DLG2: variants seen among roughly 807,000 people sequenced by gnomAD.
DLG2 encodes discs large MAGUK scaffold protein 2.
Under a neutral mutation model 132.5 loss-of-function variants are expected in DLG2, and 45 were observed. That is an observed-to-expected ratio of 0.34 (90% CI 0.27 to 0.44). DLG2 has a LOEUF of 0.44. DLG2 is among the 20% of genes least tolerant of loss of function. DLG2 has a pLI of 1.00. For missense variants in DLG2, 1,045 were observed against 1,196.9 expected (o/e 0.87, Z 1.87); for synonymous variants, 424 against 419.6 (o/e 1.01, Z -0.13).
intron 6 of DLG2, among the ~76,000 whole-genome samples, chr11:84,888,482 A>G (rs930717653): frequency 3.9e-5 from 6 of 152,076 alleles, no homozygotes; most frequent in Admixed American, 1.3e-4. Flanking sequence ...GTGAAATTGA[A>G]TGATACCATT....
At chr11:84,198,338 T>C (rs942736743) in intron 8 of DLG2, among the ~76,000 whole-genome samples, 1 of 152,158 alleles carries the variant, frequency 6.6e-6, no homozygotes, top group African/African-American at 2.4e-5. Flanking sequence ...AGTTAGAGCT[T>C]ATACTTATTG....
intron 7 of DLG2, among the ~76,000 whole-genome samples, chr11:84,338,703 G>T (rs2098499980): frequency 6.6e-6 from 1 of 152,124 alleles, no homozygotes; most frequent in African/African-American, 2.4e-5. Context: ...CTACACGGGA[G>T]GCTGAGGCAG....
At chr11:84,178,335 C>A (rs1194071919) in intron 8 of DLG2, among the ~76,000 whole-genome samples, 1 of 152,104 alleles carries the variant, frequency 6.6e-6, no homozygotes, top group African/African-American at 2.4e-5. Flanking sequence ...AGAAATTTAA[C>A]AGAACAATTT....
chr11:83,593,566 G>A (rs1418027904), intron 19 of DLG2, among the ~76,000 whole-genome samples: 2 of 151,390 alleles, frequency 1.3e-5, no homozygotes, highest in Admixed American at 6.6e-5. Flanking sequence ...AGTGGGTGCA[G>A]TGCACCAGCA....
At chr11:84,435,885 T>A (rs1046440045) in intron 7 of DLG2, among the ~76,000 whole-genome samples, 1 of 152,160 alleles carries the variant, frequency 6.6e-6, no homozygotes, top group Non-Finnish European at 1.5e-5. Context: ...TAATTTGGCA[T>A]AAGACATTAT....
At chr11:84,255,399 C>T (rs911071823) in intron 7 of DLG2, among the ~76,000 whole-genome samples, 3 of 152,192 alleles carry the variant, frequency 2.0e-5, no homozygotes, top group African/African-American at 7.2e-5. Flanking sequence ...TCTCGGCTCA[C>T]TGCAAACTTC....
At chr11:83,941,169 T>TTCTGTTGATTAACTTA (rs2082573303) in intron 14 of DLG2, among the ~76,000 whole-genome samples, 1 of 152,192 alleles carries the variant, frequency 6.6e-6, no homozygotes, top group Admixed American at 6.5e-5. Flanking sequence ...ATGAGGCACA[T>TTCTGTTGATTAACTTA]TTATACTGAA....
At chr11:84,194,071 C>T (rs1165294408) in intron 8 of DLG2, among the ~76,000 whole-genome samples, 1 of 152,154 alleles carries the variant, frequency 6.6e-6, no homozygotes, top group Non-Finnish European at 1.5e-5. Flanking sequence ...TGCAAGGAAA[C>T]GAAAAACTAA....
At chr11:84,697,017 G>A (rs1024550400) in intron 6 of DLG2, among the ~76,000 whole-genome samples, 2 of 151,344 alleles carry the variant, frequency 1.3e-5, no homozygotes, top group Non-Finnish European at 3.0e-5. Context: ...AGACTTTGGG[G>A]CTAAGGGAAA....
intron 18 of DLG2, among the ~76,000 whole-genome samples, chr11:83,656,928 C>T (rs937310627): frequency 6.6e-6 from 1 of 152,090 alleles, no homozygotes; most frequent in African/African-American, 2.4e-5. Flanking sequence ...CCAATAGTCA[C>T]GTTTTTCATA....
At chr11:85,416,949 G>C (rs1394003909) in intron 3 of DLG2, among the ~76,000 whole-genome samples, 1 of 152,114 alleles carries the variant, frequency 6.6e-6, no homozygotes, top group African/African-American at 2.4e-5. Context: ...TCTCTTGCCT[G>C]ATTGCCCTGG....
At chr11:85,397,783 C>T (rs2087560188) in intron 3 of DLG2, among the ~76,000 whole-genome samples, 1 of 152,098 alleles carries the variant, frequency 6.6e-6, no homozygotes, top group Non-Finnish European at 1.5e-5. Flanking sequence ...TAAAGCAAGT[C>T]ATCAGAGACC....
intron 7 of DLG2, among the ~76,000 whole-genome samples, chr11:84,422,574 C>A (rs569705820): frequency 3.3e-5 from 5 of 152,254 alleles, no homozygotes; most frequent in South Asian, 2.1e-4. Flanking sequence ...TAACTCATTA[C>A]GCACATTCAA....
chr11:84,150,703 A>T (rs77477998), intron 9 of DLG2, among the ~76,000 whole-genome samples: 1,874 of 152,192 alleles, frequency 0.012, 35 homozygotes, highest in African/African-American at 0.043. Flanking sequence ...TCTCAATGGG[A>T]ATGCTTCCAG....
intron 6 of DLG2, among the ~76,000 whole-genome samples, chr11:84,918,011 C>A (rs1227897485): frequency 6.6e-6 from 1 of 152,142 alleles, no homozygotes; most frequent in Non-Finnish European, 1.5e-5. Flanking sequence ...CTGCCTACAA[C>A]AAATTATGTG....
At chr11:84,486,069 AT>A (rs923348431) in intron 7 of DLG2, among the ~76,000 whole-genome samples, 1 of 152,066 alleles carries the variant, frequency 6.6e-6, no homozygotes, top group Non-Finnish European at 1.5e-5. Context: ...TTTTTCCACA[AT>A]CTATTGGTCA....
intron 3 of DLG2, among the ~76,000 whole-genome samples, chr11:85,501,365 G>C (rs142673932): frequency 5.3e-5 from 8 of 151,982 alleles, no homozygotes; most frequent in East Asian, 1.9e-4. Flanking sequence ...ATGGGCAAAG[G>C]CTTCATGTCT....
chr11:83,747,654 G>T (rs1193231132), intron 18 of DLG2, among the ~76,000 whole-genome samples: 3 of 151,936 alleles, frequency 2.0e-5, no homozygotes, highest in African/African-American at 7.3e-5. Flanking sequence ...CAAAGTGTTG[G>T]GATTACAGGC....
At position 84,071,900 on chromosome 11, in the gene DLG2, A is replaced by G. The variant is rs1320995229; in HGVS notation, c.750-12416T>C. On this transcript the variant is annotated intron_variant, in intron 10 of 27. Transcript: ENST00000376104. ...ATAGAGGAAAAGAGAATCAGAGCCG[A>G]GCCTGCTGCCTCATTCGTGACCCTT... 2.6e-5 allele frequency among the ~76,000 whole-genome samples: 4 copies of G among 152,224 alleles called. 1 individual carries two copies. The highest frequency in any genetic ancestry group is 9.6e-5 in the African/African-American group (4 of 41,464).
Sources: allele counts gnomAD v4.1 joint callset (sites outside exome capture counted in the v4.1 genomes callset), GRCh38; gene constraint gnomAD v4.1.1; transcripts MANE v1.5; gene names NCBI Gene and HGNC (gene_info 2026-07-23, HGNC 2026-07-21).